Variants in NOX5 observed in about 807,000 individuals in gnomAD.
The protein encoded by NOX5 is NADPH oxidase 5, also known as NADPH oxidase, EF-hand calcium binding domain 5.
In NOX5, 76 loss-of-function variants were observed where a neutral mutation model predicts 85.7. The ratio of observed to expected loss-of-function variants is 0.89; its 90% confidence interval spans 0.74 to 1.07. NOX5 has a LOEUF of 1.07. NOX5 is among the 50% of genes least tolerant of loss of function. The pLI, the probability that NOX5 is intolerant of heterozygous loss-of-function variation, is 0.00. For synonymous variants in NOX5, 405 were observed against 401.4 expected (o/e 1.01, Z -0.11); for missense variants, 973 against 999.5 (o/e 0.97, Z 0.36).
chr15:69,056,755 TATAA>T lies in NOX5; in HGVS notation c.*62_*65del. ...CCATGGGTCTGCTTCATTGCATTAG[TATAA>T]ATGCCCCCACAGGGACCAGCCTCAG... On this transcript the variant is annotated 3_prime_UTR_variant, in exon 16 of 16. Coordinates refer to ENST00000388866, the MANE Select transcript of NOX5 (RefSeq NM_024505.4). The T allele has an allele frequency of 6.3e-7, 1 of 1,589,780 alleles. No individual in the cohort carries two copies. Among genetic ancestry groups the T allele is most frequent in the Non-Finnish European group, 8.6e-7 (1 of 1,169,014 alleles).
Position 69,042,919 on chromosome 15 carries a change from GGC to G in NOX5, c.1647+115_1647+116del, listed in dbSNP as rs2050614278. ...TTGAGCAACTGCTGTGTACATAGAT[GGC>G]AGCACAAGGGGGTTAGGCAACTGCT... On this transcript the variant is annotated intron_variant, in intron 10 of 15. Transcript: ENST00000388866. 3.5e-6 allele frequency: 4 copies of G among 1,149,178 alleles called. No individual in the cohort carries two copies. In the African/African-American group the frequency reaches 6.2e-5, roughly 18 times the overall value. 71.2% of individuals were successfully genotyped at this position (1,149,178 alleles called of 1,614,324 possible). A position where few individuals can be genotyped will look rare whatever the true frequency, so the allele number is the denominator to read the frequency against.
At chr15:69,044,391 C>A (rs311931) in intron 10 of NOX5, among the ~76,000 whole-genome samples, 1 of 152,304 alleles carries the variant, frequency 6.6e-6, no homozygotes, top group Non-Finnish European at 1.5e-5. Context: ...TGCATAACAT[C>A]TCAGGTGATA....
chr15:69,035,848 C>G lies in NOX5; in HGVS notation c.1100C>G (p.Ala367Gly). ...RPGIGWVHGS[A>G]SPTGVALLLL... ...GGCATTGGCTGGGTACACGGTTCGG[C>G]CTCCCCGACAGGTGTCGCTCTGCTG... Residue 367 changes from alanine to glycine, a missense_variant, in exon 7 of 16, where the codon GCC becomes GGC. Transcript: ENST00000388866. The G allele has an allele frequency of 6.2e-7, 1 of 1,614,184 alleles. No homozygotes were observed. The highest frequency in any genetic ancestry group is 1.1e-5 in the South Asian group (1 of 91,084).
At chr15:69,028,119 C>CA in intron 2 of NOX5, 96 bp from the exon 3 acceptor site, 1 of 1,358,266 alleles carries the variant, frequency 7.4e-7, no homozygotes, top group Non-Finnish European at 1.0e-6. Flanking sequence ...GGTGCACCCC[C>CA]CCACCACCAC....
At chr15:69,021,349 CTTTTT>C (rs59303957) in intron 1 of NOX5, among the ~76,000 whole-genome samples, 1 of 134,090 alleles carries the variant, frequency 7.5e-6, no homozygotes, top group African/African-American at 2.7e-5. Context: ...CTTTTGAATT[CTTTTT>C]TTTTTTTTTT....
intron 1 of NOX5, among the ~76,000 whole-genome samples, chr15:69,015,494 G>A (rs1357019002): frequency 4.6e-5 from 7 of 152,080 alleles, no homozygotes; most frequent in African/African-American, 1.4e-4. Flanking sequence ...CGAGGGTCCC[G>A]AGAGATGAAG....
chr15:69,033,701 C>CTTTTTTTTTTT (rs570603838), intron 5 of NOX5, among the ~76,000 whole-genome samples: 2 of 119,286 alleles, frequency 1.7e-5, no homozygotes, highest in East Asian at 2.6e-4. Flanking sequence ...TCTTTTTTTT[C>CTTTTTTTTTTT]TTTTTTTTTT....
chr15:69,035,587 T>C (rs2140263202), intron 6 of NOX5, 80 bp downstream of exon 6: 1 of 1,569,860 alleles, frequency 6.4e-7, no homozygotes, highest in East Asian at 2.2e-5. Context: ...AGCCCCTGTG[T>C]GTACTGCCTG....
At position 69,059,595 on chromosome 15, in the gene NOX5, T is replaced by C. The variant is rs2050852238; in HGVS notation, c.*2899T>C. 1 of 152,114 alleles carries C rather than the reference T, an allele frequency of 6.6e-6. No individual in the cohort carries two copies. Among genetic ancestry groups the C allele is most frequent in the Admixed American group, 6.6e-5 (1 of 15,264 alleles). 9.4% of individuals were successfully genotyped at this position (152,114 alleles called of 1,614,324 possible). A position where few individuals can be genotyped will look rare whatever the true frequency, so the allele number is the denominator to read the frequency against. On this transcript the variant is annotated 3_prime_UTR_variant, in exon 16 of 16. Coordinates refer to ENST00000388866, the MANE Select transcript of NOX5 (RefSeq NM_024505.4). ...TCAAGTTGAACTGAACAGGCCTGGCTTGGGGAGAGTTCACAGGTCCAGGTT... is the reference window on the plus strand; with the variant it reads ...TCAAGTTGAACTGAACAGGCCTGGCCTGGGGAGAGTTCACAGGTCCAGGTT...
In NOX5 at chr15:69,061,478, ACTGT is replaced by A. The variant is rs1376975517; in HGVS notation, c.*4787_*4790del. On this transcript the variant is annotated 3_prime_UTR_variant, in exon 16 of 16. Transcript: ENST00000388866. Reference sequence around the variant, plus strand: ...TGGGAGTTGAGATGCCTCAGGGCACACTGTCTGTGCTAAACAAATACTCATATTA... The same window carrying A: ...TGGGAGTTGAGATGCCTCAGGGCACACTGTGCTAAACAAATACTCATATTA... 2.0e-5 allele frequency: 3 copies of A among 152,412 alleles called. No homozygotes were observed. The highest frequency in any genetic ancestry group is 4.4e-5 in the Non-Finnish European group (3 of 68,058). 9.4% of individuals were successfully genotyped at this position (152,412 alleles called of 1,614,324 possible). A position where few individuals can be genotyped will look rare whatever the true frequency, so the allele number is the denominator to read the frequency against.
intron 6 of NOX5, 118 bp downstream of exon 6, chr15:69,035,625 G>A (rs1167209981): frequency 3.9e-6 from 6 of 1,552,844 alleles, no homozygotes; most frequent in Non-Finnish European, 4.4e-6. Context: ...GGGTGCCCTG[G>A]ATAAGCCAAC....
At chr15:69,025,118 G>T (rs2050340520) in intron 1 of NOX5, among the ~76,000 whole-genome samples, 2 of 152,212 alleles carry the variant, frequency 1.3e-5, no homozygotes, top group African/African-American at 4.8e-5. Context: ...GCTCATGTGA[G>T]CCTCAGGGCA....
chr15:69,051,527 G>A (rs1260325121), intron 14 of NOX5, among the ~76,000 whole-genome samples: 1 of 151,948 alleles, frequency 6.6e-6, no homozygotes, highest in Non-Finnish European at 1.5e-5. Context: ...GTACAAGTGT[G>A]CGCCACCATG....
intron 14 of NOX5, among the ~76,000 whole-genome samples, chr15:69,050,693 G>C (rs548326588): frequency 6.6e-6 from 1 of 152,148 alleles, no homozygotes; most frequent in Non-Finnish European, 1.5e-5. Context: ...TGGATTTTAT[G>C]TTATTTCTTT....
chr15:69,049,127 A>G (rs901056976), intron 14 of NOX5, 69 bp downstream of exon 14: 1 of 954,732 alleles, frequency 1.0e-6, no homozygotes, highest in South Asian at 1.7e-5. Context: ...TAAAAAAATA[A>G]TTTATTGATA....
rs2050845359 is a variant in NOX5 at position 69,058,950 on chromosome 15, A to T, written c.*2254A>T. On this transcript the variant is annotated 3_prime_UTR_variant, in exon 16 of 16. Coordinates refer to ENST00000388866, the MANE Select transcript of NOX5 (RefSeq NM_024505.4). ...GAATCTGTTTAGCACAGGATGTCTC[A>T]CACATGCACTCAATGCACACACACA... is the stretch of plus-strand genomic sequence containing the variant. The T allele has an allele frequency of 6.6e-6, 1 of 152,208 alleles. No individual in the cohort carries two copies. Among genetic ancestry groups the T allele is most frequent in the South Asian group, 2.1e-4 (1 of 4,830 alleles). The allele number at this position is 152,208 out of a possible 1,614,324, so 9.4% of individuals were successfully genotyped here. A position where few individuals can be genotyped will look rare whatever the true frequency, so the allele number is the denominator to read the frequency against.
At chr15:69,032,614 T>C (rs2140259076) in intron 4 of NOX5, among the ~76,000 whole-genome samples, 1 of 152,226 alleles carries the variant, frequency 6.6e-6, no homozygotes, top group East Asian at 1.9e-4. Flanking sequence ...TTTCGCCATC[T>C]TGGCCAGGCT....
At chr15:69,025,121 T>A (rs1268805853) in intron 1 of NOX5, among the ~76,000 whole-genome samples, 1 of 152,226 alleles carries the variant, frequency 6.6e-6, no homozygotes, top group Non-Finnish European at 1.5e-5. Flanking sequence ...CATGTGAGCC[T>A]CAGGGCACAA....
At chr15:69,047,654 TTCTC>T (rs754537510) in intron 12 of NOX5, 117 bp downstream of exon 12, 47 of 1,398,086 alleles carry the variant, frequency 3.4e-5, no homozygotes, top group Non-Finnish European at 4.5e-5. Context: ...CTCTCTGCTC[TTCTC>T]TCTCTTTCCT....
Sources: gnomAD v4.1 joint callset for allele counts (sites outside exome capture counted in the v4.1 genomes callset) on GRCh38, gnomAD v4.1.1 for gene constraint, MANE v1.5 for transcripts, NCBI Gene and HGNC (gene_info 2026-07-23, HGNC 2026-07-21) for gene names.